MYO3A: variants seen among roughly 807,000 people sequenced by gnomAD.
MYO3A encodes myosin-IIIa.
In MYO3A, 180 loss-of-function variants were observed where a neutral mutation model predicts 192.7. The observed-to-expected ratio is 0.93, with a 90% CI of 0.83 to 1.06. The LOEUF (loss-of-function observed/expected upper bound fraction) is 1.06, where lower values mean the gene tolerates loss of function less well. Ranked by LOEUF, MYO3A falls within the 50% of genes least tolerant of loss-of-function variation. The pLI is 0.00. For missense variants in MYO3A, 1,896 were observed against 1,905.0 expected, an observed-to-expected ratio of 1.00 and a Z score of 0.09; for synonymous variants, 628 against 645.3, an observed-to-expected ratio of 0.97 and a Z score of 0.41.
chr10:26,021,389 C>T, intron 7 of MYO3A, 114 bp from the exon 8 acceptor site: 5 of 1,270,916 alleles, frequency 3.9e-6, no homozygotes, highest in Non-Finnish European at 5.7e-6. Flanking sequence ...TTCGTCTTTA[C>T]TTATAGCTAT....
intron 4 of MYO3A, among the ~76,000 whole-genome samples, chr10:25,984,076 A>G (rs1362711901): frequency 6.6e-6 from 1 of 152,216 alleles, no homozygotes; most frequent in Non-Finnish European, 1.5e-5. Flanking sequence ...GTTCACCACT[A>G]CCAAGCCAGC....
At chr10:26,157,029 T>C (rs982428200) in intron 25 of MYO3A, among the ~76,000 whole-genome samples, 5 of 152,230 alleles carry the variant, frequency 3.3e-5, no homozygotes, top group Non-Finnish European at 5.9e-5. Context: ...AAAATAATTT[T>C]ATCTGTTAAT....
In MYO3A at chr10:25,996,610, T is replaced by G. The variant is rs768391424; in HGVS notation, c.408+16T>G. On this transcript the variant is annotated intron_variant, in intron 5 of 34. Coordinates refer to ENST00000642920, the MANE Select transcript of MYO3A (RefSeq NM_017433.5). ...AGCACTAATGGTAAGGCAATTTAAA[T>G]TGTATGTGCATTAATTATGAAGCAG... 2.5e-6 allele frequency: 4 copies of G among 1,585,280 alleles called. No homozygotes were observed. Among genetic ancestry groups the G allele is most frequent in the Non-Finnish European group, 3.5e-6 (4 of 1,154,354 alleles).
intron 34 of MYO3A, among the ~76,000 whole-genome samples, chr10:26,209,606 C>T (rs1210162871): frequency 6.6e-6 from 1 of 152,194 alleles, no homozygotes; most frequent in Admixed American, 6.5e-5. Context: ...ACCTATGTTA[C>T]TCATTTTTTC....
At chr10:26,107,821 G>A (rs1837918469) in intron 17 of MYO3A, among the ~76,000 whole-genome samples, 1 of 151,782 alleles carries the variant, frequency 6.6e-6, no homozygotes, top group African/African-American at 2.4e-5. Flanking sequence ...AAAAGAGAAA[G>A]GCAAAACCAC....
At chr10:26,188,957 A>G (rs1023397307) in intron 31 of MYO3A, among the ~76,000 whole-genome samples, 1 of 152,166 alleles carries the variant, frequency 6.6e-6, no homozygotes, top group Non-Finnish European at 1.5e-5. Flanking sequence ...CTTAGGATTG[A>G]CTTGGCAATG....
chr10:26,107,001 A>G (rs1051954231), intron 17 of MYO3A, among the ~76,000 whole-genome samples: 2 of 151,838 alleles, frequency 1.3e-5, no homozygotes, highest in South Asian at 2.1e-4. Context: ...TCTTTGGCCT[A>G]TGTGAGTTAA....
Position 26,158,248 on chromosome 10 carries a change from T to C in MYO3A, c.2999+733T>C, listed in dbSNP as rs548845079. Reference sequence around the variant, plus strand: ...GAATCAATTGGTATAAGGAATGTTTTATTTTATTTTTTTTTTTTTTTTGAG... The same window carrying C: ...GAATCAATTGGTATAAGGAATGTTTCATTTTATTTTTTTTTTTTTTTTGAG... On this transcript the variant is annotated intron_variant, in intron 26 of 34. Transcript: ENST00000642920. 3.5e-5 allele frequency among the ~76,000 whole-genome samples: 5 copies of C among 143,566 alleles called. No individual in the cohort carries two copies. The East Asian group carries it at 1.1e-3, about 32-fold the overall frequency. 94.2% of individuals were successfully genotyped at this position (143,566 alleles called of 152,430 possible). A position where few individuals can be genotyped will look rare whatever the true frequency, so the allele number is the denominator to read the frequency against.
chr10:26,195,381 T>C (rs1436517581), intron 32 of MYO3A, among the ~76,000 whole-genome samples: 2 of 152,208 alleles, frequency 1.3e-5, no homozygotes, highest in Non-Finnish European at 2.9e-5. Context: ...TCTGAGTCAC[T>C]CCTCTTACTG....
In MYO3A at chr10:25,952,142, T is replaced by C; in HGVS notation, c.32T>C (p.Phe11Ser). MFPLIGKTII[F>S]DNFPDPSDTW... ...CCATTAATTGGAAAAACAATCATCT[T>C]TGATAACTTTCCTGATCCTTCTGAT... Residue 11 changes from phenylalanine (F) to serine (S), a missense_variant, in exon 3 of 35, where the codon TTT becomes TCT. Phe to Ser is a radical substitution (Grantham distance 155, BLOSUM62 -2). Transcript: ENST00000642920. 1.9e-6 allele frequency: 3 copies of C among 1,612,196 alleles called. No homozygotes were observed. The highest frequency in any genetic ancestry group is 2.5e-6 in the Non-Finnish European group (3 of 1,178,692).
At chr10:25,959,643 G>A (rs1279038813) in intron 4 of MYO3A, among the ~76,000 whole-genome samples, 2 of 152,010 alleles carry the variant, frequency 1.3e-5, no homozygotes, top group Admixed American at 1.3e-4. Context: ...ACTGGTTCCT[G>A]GATCCCTTGG....
intron 10 of MYO3A, among the ~76,000 whole-genome samples, chr10:26,035,392 AAAG>A (rs1464880267): frequency 2.0e-5 from 3 of 152,248 alleles, no homozygotes; most frequent in African/African-American, 7.2e-5. Flanking sequence ...GAATTCAAGT[AAAG>A]AAGAAGAAGC....
At chr10:26,106,135 A>T (rs1358783585) in intron 17 of MYO3A, among the ~76,000 whole-genome samples, 1 of 152,072 alleles carries the variant, frequency 6.6e-6, no homozygotes, top group East Asian at 1.9e-4. Context: ...AAACTGTAAG[A>T]TCAATATATT....
In MYO3A at chr10:26,050,257, G is replaced by A. The variant is rs191299650; in HGVS notation, c.954-16718G>A. ...GCTGGGATTACAGGTGTGAGCCACC[G>A]CACCCAGCCATTATTTTTATACTTG... On this transcript the variant is annotated intron_variant, in intron 10 of 34. Transcript: ENST00000642920. 5.3e-3 allele frequency among the ~76,000 whole-genome samples: 809 copies of A among 152,108 alleles called. 8 individuals are homozygous for A. The highest frequency in any genetic ancestry group is 0.018 in the African/African-American group (762 of 41,470).
intron 20 of MYO3A, among the ~76,000 whole-genome samples, chr10:26,134,474 CT>C (rs10718017): frequency 0.4 from 60,675 of 151,844 alleles, 12,354 homozygotes; most frequent in Middle Eastern, 0.52. Context: ...AGTATTATCA[CT>C]GTTTTTTAGA....
In MYO3A at chr10:26,055,715, A is replaced by G. The variant is rs1024534604; in HGVS notation, c.954-11260A>G. The stretch of plus-strand genomic sequence containing the variant: ...GGCAGAGCATTCTGTTCCTTTTAAC[A>G]TGGTTTACCCTCCTCTTGTCCTTCC... On this transcript the variant is annotated intron_variant, in intron 10 of 34. Coordinates refer to ENST00000642920, the MANE Select transcript of MYO3A (RefSeq NM_017433.5). Among the ~76,000 whole-genome samples, 10 of 152,320 alleles carry G rather than the reference A, an allele frequency of 6.6e-5. No individual in the cohort carries two copies. The East Asian group carries it at 1.4e-3, about 21-fold the overall frequency.
At chr10:26,046,971 G>A (rs72795813) in intron 10 of MYO3A, among the ~76,000 whole-genome samples, 24,749 of 152,054 alleles carry the variant, frequency 0.16, 2,309 homozygotes, top group Non-Finnish European at 0.21. Flanking sequence ...AAATTCTGAA[G>A]GTTTAGGTAA....
intron 10 of MYO3A, among the ~76,000 whole-genome samples, chr10:26,056,811 T>A (rs929500057): frequency 1.3e-5 from 2 of 152,242 alleles, no homozygotes; most frequent in East Asian, 3.8e-4. Context: ...CTTTTTCAAC[T>A]CTTATATCCA....
chr10:26,028,188 A>G (rs548958966), intron 10 of MYO3A, among the ~76,000 whole-genome samples: 18 of 152,346 alleles, frequency 1.2e-4, no homozygotes, highest in Admixed American at 3.3e-4. Flanking sequence ...AAAATATTTT[A>G]TGATAACCCA....
Sources: gnomAD v4.1 joint callset for allele counts (sites outside exome capture counted in the v4.1 genomes callset) on GRCh38, gnomAD v4.1.1 for gene constraint, MANE v1.5 for transcripts, NCBI Gene and HGNC (gene_info 2026-07-23, HGNC 2026-07-21) for gene names.